The following ALPK1 variants were observed in gnomAD, a reference collection of about 807,000 sequenced individuals.
ALPK1 encodes alpha kinase 1.
In ALPK1, 110 loss-of-function variants were observed where a neutral mutation model predicts 120.6. The ratio of observed to expected loss-of-function variants is 0.91; its 90% CI spans 0.78 to 1.07. The LOEUF is 1.07. Ranked by LOEUF, ALPK1 falls within the 50% of genes least tolerant of loss-of-function variation. The pLI is 0.00. For missense variants in ALPK1, 1,498 were observed against 1,483.9 expected, an observed-to-expected ratio of 1.01 and a Z score of -0.16; for synonymous variants, 582 against 560.3, an observed-to-expected ratio of 1.04 and a Z score of -0.55.
At chr4:112,438,276 C>G (rs1477673283) in intron 12 of ALPK1, among the ~76,000 whole-genome samples, 1 of 152,160 alleles carries the variant, frequency 6.6e-6, no homozygotes, top group Non-Finnish European at 1.5e-5. Context: ...CATTCTGGGT[C>G]AGCTAGAATG....
intron 4 of ALPK1, chr4:112,411,611 T>A: frequency 1.7e-6 from 1 of 589,402 alleles, no homozygotes; most frequent in South Asian, 2.1e-5. Context: ...TTTATAAATG[T>A]AATGGGGGAA....
At chr4:112,366,406 C>T (rs774980449) in intron 2 of ALPK1, among the ~76,000 whole-genome samples, 3 of 150,972 alleles carry the variant, frequency 2.0e-5, no homozygotes, top group Non-Finnish European at 4.4e-5. Flanking sequence ...AGACAGTTTT[C>T]AAAAAAAGAT....
chr4:112,410,643 T>C (rs1733412039), intron 4 of ALPK1, among the ~76,000 whole-genome samples: 1 of 152,180 alleles, frequency 6.6e-6, no homozygotes, highest in African/African-American at 2.4e-5. Context: ...AGGAAGATAA[T>C]AGTATTTGGG....
chr4:112,422,068 T>G (rs2106988), intron 5 of ALPK1, among the ~76,000 whole-genome samples: 87,004 of 151,916 alleles, frequency 0.57, 24,991 homozygotes, highest in East Asian at 0.8. Flanking sequence ...CATGGAGAGG[T>G]CTGCTAAGTG....
intron 5 of ALPK1, chr4:112,412,556 A>G (rs557605115): frequency 9.6e-5 from 41 of 429,170 alleles, no homozygotes; most frequent in African/African-American, 6.8e-4. Context: ...TTTGAATGAA[A>G]TGAAAAAGGA....
chr4:112,355,589 T>C (rs1038136840), intron 2 of ALPK1, among the ~76,000 whole-genome samples: 7 of 152,056 alleles, frequency 4.6e-5, no homozygotes, highest in Non-Finnish European at 1.0e-4. Context: ...GAGGTGGCAA[T>C]GGAACGGAGA....
chr4:112,385,295 A>G (rs1424335172), intron 4 of ALPK1, among the ~76,000 whole-genome samples: 1 of 152,230 alleles, frequency 6.6e-6, no homozygotes, highest in African/African-American at 2.4e-5. Context: ...TTAAGAGCCC[A>G]CTTATGATAC....
Position 112,441,408 on chromosome 4 carries a change from T to C in ALPK1, c.*198T>C. 1.6e-6 allele frequency: 1 copy of C among 634,468 alleles called. No homozygotes were observed. The highest frequency in any genetic ancestry group is 2.8e-6 in the Non-Finnish European group (1 of 354,444). The allele number at this position is 634,468 out of a possible 1,614,324, so 39.3% of individuals were successfully genotyped here. A position where few individuals can be genotyped will look rare whatever the true frequency, so the allele number is the denominator to read the frequency against. On this transcript the variant is annotated 3_prime_UTR_variant, in exon 16 of 16. Coordinates refer to ENST00000650871, the MANE Select transcript of ALPK1 (RefSeq NM_025144.4). Reference sequence around the variant, plus strand: ...GACCGCTGCTTCTGGGCATAAGTCCTGCAAGGAAAGCAACATGGAAAACAG... The same window carrying C: ...GACCGCTGCTTCTGGGCATAAGTCCCGCAAGGAAAGCAACATGGAAAACAG...
At chr4:112,365,566 A>G (rs1201464151) in intron 2 of ALPK1, among the ~76,000 whole-genome samples, 1 of 152,204 alleles carries the variant, frequency 6.6e-6, no homozygotes, top group Non-Finnish European at 1.5e-5. Flanking sequence ...AGACAGCACA[A>G]ACAAATGGAA....
chr4:112,374,444 G>T (rs1232042135), intron 2 of ALPK1, among the ~76,000 whole-genome samples: 1 of 152,062 alleles, frequency 6.6e-6, no homozygotes, highest in Admixed American at 6.6e-5. Flanking sequence ...TATCTATGAG[G>T]GTTACACTCG....
intron 2 of ALPK1, among the ~76,000 whole-genome samples, chr4:112,347,858 G>A (rs1730166500): frequency 6.6e-6 from 1 of 152,136 alleles, no homozygotes; most frequent in Non-Finnish European, 1.5e-5. Flanking sequence ...AAGCTAATAT[G>A]TTTCACTTGC....
At chr4:112,343,977 T>C (rs907634522) in intron 2 of ALPK1, among the ~76,000 whole-genome samples, 4 of 152,172 alleles carry the variant, frequency 2.6e-5, no homozygotes. Context: ...CCCTGCAATT[T>C]ACACACACTG....
intron 2 of ALPK1, chr4:112,357,240 A>G: frequency 6.8e-7 from 1 of 1,480,144 alleles, no homozygotes. Context: ...TCACTGGACC[A>G]GATCATCCAG....
At chr4:112,324,329 AAAAAAAAAAAAG>A (rs1729008567) in intron 2 of ALPK1, among the ~76,000 whole-genome samples, 1 of 75,478 alleles carries the variant, frequency 1.3e-5, no homozygotes, top group African/African-American at 7.3e-5. Context: ...TCCATCTCAG[AAAAAAAAAAAAG>A]AAAAAAAAAA....
intron 2 of ALPK1, among the ~76,000 whole-genome samples, chr4:112,325,422 C>G (rs1365456944): frequency 6.6e-6 from 1 of 152,188 alleles, no homozygotes; most frequent in African/African-American, 2.4e-5. Flanking sequence ...ATCGTATCCT[C>G]TCAAGATTCC....
At chr4:112,302,277 A>G (rs916544401) in intron 1 of ALPK1, 1 of 152,200 alleles carries the variant, frequency 6.6e-6, no homozygotes, top group Non-Finnish European at 1.5e-5. Flanking sequence ...GATAAAGCCT[A>G]AAGGCTTCTG....
chr4:112,330,406 A>C (rs1157381027), intron 2 of ALPK1, among the ~76,000 whole-genome samples: 2 of 152,238 alleles, frequency 1.3e-5, no homozygotes, highest in Non-Finnish European at 2.9e-5. Flanking sequence ...TGTATAAATT[A>C]ATACACAACA....
chr4:112,376,769 G>T (rs1015339014), intron 2 of ALPK1, among the ~76,000 whole-genome samples: 11 of 152,138 alleles, frequency 7.2e-5, no homozygotes, highest in Non-Finnish European at 1.3e-4. Context: ...CTTGCTTTTG[G>T]TAATAAAATT....
chr4:112,350,803 G>A (rs746600422), intron 2 of ALPK1, among the ~76,000 whole-genome samples: 1 of 152,196 alleles, frequency 6.6e-6, no homozygotes, highest in Non-Finnish European at 1.5e-5. Flanking sequence ...GCCTCTCAGA[G>A]AATACATCTC....
Sources: gnomAD v4.1 joint callset for allele counts (sites outside exome capture counted in the v4.1 genomes callset) on GRCh38, gnomAD v4.1.1 for gene constraint, MANE v1.5 for transcripts, NCBI Gene and HGNC (gene_info 2026-07-23, HGNC 2026-07-21) for gene names.